The following SLC9B1 variants were observed in gnomAD, a reference collection of about 807,000 sequenced individuals.
SLC9B1 encodes the protein sodium/hydrogen exchanger 9B1.
A neutral mutation model predicts 51.7 loss-of-function variants in SLC9B1; 32 were observed. That is an observed-to-expected ratio of 0.62 (90% CI 0.47 to 0.83). The LOEUF (loss-of-function observed/expected upper bound fraction) is 0.83. SLC9B1 is among the 40% of genes least tolerant of loss of function. The pLI is 0.00. For synonymous variants in SLC9B1, 145 were observed against 212.7 expected, an observed-to-expected ratio of 0.68 and a Z score of 2.77; for missense variants, 406 against 613.2, an observed-to-expected ratio of 0.66 and a Z score of 3.57.
intron 3 of SLC9B1, among the ~76,000 whole-genome samples, chr4:102,956,390 T>C (rs1246019092): frequency 2.0e-5 from 3 of 150,498 alleles, no homozygotes; most frequent in Non-Finnish European, 4.4e-5. Context: ...CACACATATA[T>C]GGCCGATTGG....
chr4:102,990,078 ATGC>A, intron 2 of SLC9B1, 137 bp from the exon 3 acceptor site: 1 of 688,282 alleles, frequency 1.5e-6, no homozygotes, highest in Non-Finnish European at 2.3e-6. Flanking sequence ...AAGAAGATTC[ATGC>A]TCCATATCAG....
intron 3 of SLC9B1, among the ~76,000 whole-genome samples, chr4:102,955,643 T>C (rs1353784138): frequency 2.0e-5 from 3 of 151,900 alleles, no homozygotes; most frequent in South Asian, 2.1e-4. Context: ...GCAGTTTCAA[T>C]TGGGGAAGTG....
At chr4:102,955,683 T>C (rs1737748732) in intron 3 of SLC9B1, among the ~76,000 whole-genome samples, 1 of 151,562 alleles carries the variant, frequency 6.6e-6, no homozygotes, top group South Asian at 2.1e-4. Flanking sequence ...AAATGAGAGA[T>C]CCTGAGGGTC....
intron 11 of SLC9B1, chr4:102,889,938 A>G (rs1305643127): frequency 6.6e-6 from 1 of 152,176 alleles, no homozygotes; most frequent in East Asian, 1.9e-4. Context: ...CTTGAAATAC[A>G]TGTCTTCGGT....
At chr4:102,906,115 T>C (rs1735031021) in intron 10 of SLC9B1, among the ~76,000 whole-genome samples, 1 of 152,066 alleles carries the variant, frequency 6.6e-6, no homozygotes, top group Non-Finnish European at 1.5e-5. Context: ...TTTGTATTTT[T>C]AGGAGAGAGG....
intron 3 of SLC9B1, chr4:102,961,876 TG>T: frequency 4.7e-6 from 1 of 214,310 alleles, no homozygotes; most frequent in East Asian, 1.3e-4. Context: ...ACATGGTGTA[TG>T]GGGTGAGTGG....
At chr4:102,932,665 G>A (rs1055698129) in intron 6 of SLC9B1, among the ~76,000 whole-genome samples, 1 of 152,108 alleles carries the variant, frequency 6.6e-6, no homozygotes, top group African/African-American at 2.4e-5. Context: ...AGACAATTTA[G>A]GATTGAAAAA....
At chr4:102,904,997 A>G (rs1734957854) in intron 11 of SLC9B1, among the ~76,000 whole-genome samples, 1 of 148,670 alleles carries the variant, frequency 6.7e-6, no homozygotes, top group African/African-American at 2.5e-5. Context: ...AAAAAAAACA[A>G]TAAAAAAGCA....
At chr4:102,996,657 C>T (rs769925373) in intron 1 of SLC9B1, among the ~76,000 whole-genome samples, 3 of 152,108 alleles carry the variant, frequency 2.0e-5, no homozygotes, top group East Asian at 1.9e-4. Flanking sequence ...AAAATATCAT[C>T]CTCTATACAT....
chr4:102,917,671 T>A (rs1445977893), intron 7 of SLC9B1, among the ~76,000 whole-genome samples: 1 of 151,936 alleles, frequency 6.6e-6, no homozygotes, highest in African/African-American at 2.4e-5. Context: ...CTACCTACCT[T>A]AAAAAAGAAG....
chr4:102,933,344 G>A (rs1274215579), intron 6 of SLC9B1, among the ~76,000 whole-genome samples: 1 of 152,154 alleles, frequency 6.6e-6, no homozygotes, highest in African/African-American at 2.4e-5. Flanking sequence ...CCTCTATGGT[G>A]CAGTTTATGC....
chr4:102,968,591 G>A (rs1351706295), intron 3 of SLC9B1, among the ~76,000 whole-genome samples: 2 of 152,250 alleles, frequency 1.3e-5, no homozygotes, highest in African/African-American at 4.8e-5. Context: ...AACAGCTCCT[G>A]TCTGCAGCTC....
intron 1 of SLC9B1, among the ~76,000 whole-genome samples, chr4:103,008,143 T>C (rs1156408854): frequency 1.3e-5 from 2 of 152,226 alleles, no homozygotes; most frequent in African/African-American, 2.4e-5. Flanking sequence ...AGTACATACA[T>C]AAACACACAT....
chr4:102,969,003 G>A (rs1738592593), intron 3 of SLC9B1, among the ~76,000 whole-genome samples: 1 of 152,232 alleles, frequency 6.6e-6, no homozygotes, highest in Admixed American at 6.5e-5. Flanking sequence ...CCATTGCTGA[G>A]GCTTGAGTAG....
intron 5 of SLC9B1, 112 bp downstream of exon 5, chr4:102,946,535 T>C: frequency 8.3e-7 from 1 of 1,204,026 alleles, no homozygotes; most frequent in Non-Finnish European, 1.2e-6. Flanking sequence ...TTATCTTAGG[T>C]TTGTTTACAG....
At chr4:102,963,340 T>G in intron 3 of SLC9B1, 1 of 253,398 alleles carries the variant, frequency 3.9e-6, no homozygotes, top group Non-Finnish European at 7.8e-6. Context: ...GTGTCTGCCT[T>G]GAAAGCATCA....
chr4:103,014,820 T>A (rs1461440427), intron 1 of SLC9B1: 1 of 152,124 alleles, frequency 6.6e-6, no homozygotes, highest in African/African-American at 2.4e-5. Context: ...TAGTGGAAAA[T>A]ATGGGACTTA....
chr4:102,929,723 T>C (rs1227940706), intron 7 of SLC9B1, among the ~76,000 whole-genome samples: 2 of 152,202 alleles, frequency 1.3e-5, no homozygotes, highest in Non-Finnish European at 2.9e-5. Flanking sequence ...AGCTTTGCTA[T>C]GTTGGCCAGG....
chr4:102,955,748 G>A (rs529577244), intron 3 of SLC9B1, among the ~76,000 whole-genome samples: 54 of 151,608 alleles, frequency 3.6e-4, no homozygotes, highest in African/African-American at 1.2e-3. Context: ...AAAGCTGCAC[G>A]TTCTGCACAT....
Sources: allele counts gnomAD v4.1 joint callset (sites outside exome capture counted in the v4.1 genomes callset), GRCh38; gene constraint gnomAD v4.1.1; transcripts MANE v1.5; gene names NCBI Gene and HGNC (gene_info 2026-07-23, HGNC 2026-07-21).